Variants in EYA2 observed in about 807,000 individuals in gnomAD.
EYA2 encodes protein phosphatase EYA2.
In EYA2, 31 loss-of-function variants were observed where a neutral mutation model predicts 69.2. The observed-to-expected ratio is 0.45, with a 90% confidence interval of 0.34 to 0.60. The LOEUF (loss-of-function observed/expected upper bound fraction) is 0.60. EYA2 is among the 20% of genes least tolerant of loss of function. EYA2 has a pLI of 0.02. For missense variants in EYA2, 622 were observed against 701.2 expected, an observed-to-expected ratio of 0.89 and a Z score of 1.28; for synonymous variants, 257 against 279.4, an observed-to-expected ratio of 0.92 and a Z score of 0.80.
At chr20:46,982,548 C>T (rs531995610) in intron 1 of EYA2, among the ~76,000 whole-genome samples, 1 of 151,824 alleles carries the variant, frequency 6.6e-6, no homozygotes, top group Middle Eastern at 3.4e-3. Flanking sequence ...CTTGCTCTCT[C>T]TCTCCTCTCC....
chr20:46,971,168 T>C (rs966953213), intron 1 of EYA2, among the ~76,000 whole-genome samples: 9 of 151,820 alleles, frequency 5.9e-5, no homozygotes, highest in African/African-American at 1.9e-4. Context: ...GGTGAGTAGA[T>C]AGAAAAATAC....
chr20:46,963,485 AAC>A (rs1979599576), intron 1 of EYA2, among the ~76,000 whole-genome samples: 1 of 152,240 alleles, frequency 6.6e-6, no homozygotes, highest in Non-Finnish European at 1.5e-5. Context: ...AGGACAATCA[AAC>A]ACAAATAAAT....
At chr20:46,901,465 GAGTC>G (rs1984103713) in intron 1 of EYA2, 1 of 152,198 alleles carries the variant, frequency 6.6e-6, no homozygotes, top group African/African-American at 2.4e-5. Flanking sequence ...CTGAAATACA[GAGTC>G]AGAGAGCGTG....
rs576555369 is a variant in EYA2, at chr20:46,928,716, G to T, written c.-11+33729G>T. On this transcript the variant is annotated intron_variant, in intron 1 of 15. Coordinates refer to ENST00000327619, the MANE Select transcript of EYA2 (RefSeq NM_005244.5). ...AGTGCCGGTGTGCAAAATCACCAAC[G>T]CTTGGATTGTCGATGTAACATTTGC... 2.0e-5 allele frequency among the ~76,000 whole-genome samples: 3 copies of T among 152,222 alleles called. No homozygotes were observed. The South Asian group carries it at 6.2e-4, about 32-fold the overall frequency.
intron 4 of EYA2, among the ~76,000 whole-genome samples, chr20:47,006,419 C>T (rs1031682025): frequency 6.6e-6 from 1 of 152,220 alleles, no homozygotes; most frequent in Non-Finnish European, 1.5e-5. Flanking sequence ...GTGGAAAGGA[C>T]GTAGCGTTGG....
intron 1 of EYA2, among the ~76,000 whole-genome samples, chr20:46,969,251 T>C (rs1979985011): frequency 6.6e-6 from 1 of 152,110 alleles, no homozygotes; most frequent in Non-Finnish European, 1.5e-5. Context: ...TTTTTGACAC[T>C]TAGTCACCCA....
chr20:47,183,069 T>G (rs1230020098), intron 14 of EYA2, among the ~76,000 whole-genome samples: 1 of 152,212 alleles, frequency 6.6e-6, no homozygotes, highest in Admixed American at 6.5e-5. Flanking sequence ...CCTGCTGTGT[T>G]GCCCTGGGCA....
intron 2 of EYA2, among the ~76,000 whole-genome samples, chr20:46,994,307 T>G (rs6094545): frequency 0.041 from 6,223 of 152,310 alleles, 418 homozygotes; most frequent in African/African-American, 0.14. Flanking sequence ...TTACCTATTA[T>G]TCCTTATGAT....
rs1028233030 is a variant in EYA2, at chr20:47,089,345, C to G, written c.768C>G (p.Ser256Arg). ...DGKLRGRSKRSSDPSPAGDNE... is the reference protein window; with the variant it reads ...DGKLRGRSKRRSDPSPAGDNE... Reference sequence around the variant, plus strand: ...AGCTCCGAGGCCGGTCTAAGAGGAGCAGTGACCCGTCCCCGGCAGGGGACA... The same window carrying G: ...AGCTCCGAGGCCGGTCTAAGAGGAGGAGTGACCCGTCCCCGGCAGGGGACA... The change falls in exon 8 of 16, where the codon AGC (serine) becomes AGG (arginine). Residue 256 changes from serine to arginine, a missense_variant. Coordinates refer to ENST00000327619, the MANE Select transcript of EYA2 (RefSeq NM_005244.5). 12 of 1,614,180 alleles carry G rather than the reference C, an allele frequency of 7.4e-6. No homozygotes were observed. The highest frequency in any genetic ancestry group is 1.6e-4 in the Middle Eastern group (1 of 6,062).
intron 7 of EYA2, 83 bp from the exon 8 acceptor site, chr20:47,089,156 T>C (rs1344075306): frequency 6.5e-7 from 1 of 1,530,088 alleles, no homozygotes; most frequent in Non-Finnish European, 8.9e-7. Flanking sequence ...GCTTTGGAGC[T>C]AGACGGTGCT....
intron 5 of EYA2, among the ~76,000 whole-genome samples, chr20:47,017,026 G>A (rs902325613): frequency 2.0e-5 from 3 of 152,196 alleles, no homozygotes; most frequent in Non-Finnish European, 4.4e-5. Flanking sequence ...CAGCCCTAGA[G>A]GGTGGCCTTA....
intron 1 of EYA2, among the ~76,000 whole-genome samples, 199 bp downstream of exon 1, chr20:46,895,186 G>T (rs1600520893): frequency 6.6e-6 from 1 of 152,212 alleles, no homozygotes; most frequent in South Asian, 2.1e-4. Flanking sequence ...CAGCAGCAGA[G>T]CCCCCCTCTG....
At chr20:47,097,749 T>A (rs924802961) in intron 9 of EYA2, among the ~76,000 whole-genome samples, 2 of 152,190 alleles carry the variant, frequency 1.3e-5, no homozygotes, top group Non-Finnish European at 2.9e-5. Context: ...ACTTTAATAA[T>A]GCAAAAATGA....
intron 1 of EYA2, among the ~76,000 whole-genome samples, chr20:46,896,937 T>C (rs1983840816): frequency 6.6e-6 from 1 of 152,156 alleles, no homozygotes; most frequent in Non-Finnish European, 1.5e-5. Flanking sequence ...AACACACAAA[T>C]CACTTCCCCA....
intron 8 of EYA2, among the ~76,000 whole-genome samples, chr20:47,090,684 A>G (rs1444574248): frequency 6.6e-6 from 1 of 152,224 alleles, no homozygotes; most frequent in African/African-American, 2.4e-5. Context: ...AAAAGCAGCT[A>G]AAATCTACTT....
At position 46,986,299 on chromosome 20, in the gene EYA2, GTATATAT is replaced by G. The variant is rs1010254113; in HGVS notation, c.-10-3687_-10-3681del. Among the ~76,000 whole-genome samples, 232 of 125,930 alleles carry G rather than the reference GTATATAT, an allele frequency of 1.8e-3. 1 individual carries two copies. Among genetic ancestry groups the G allele is most frequent in the Middle Eastern group, 8.9e-3 (2 of 224 alleles). The allele number at this position is 125,930 out of a possible 152,430, so 82.6% of individuals were successfully genotyped here. Reference sequence around the variant, plus strand: ...TATAATATATCTCTATATATCTAATGTATATATTATATATTATATATAATATCTCTAT... The same window carrying G: ...TATAATATATCTCTATATATCTAATGTATATATTATATATAATATCTCTAT... On this transcript the variant is annotated intron_variant, in intron 1 of 15. Coordinates refer to ENST00000327619, the MANE Select transcript of EYA2 (RefSeq NM_005244.5).
At chr20:47,023,643 T>G (rs2868864) in intron 5 of EYA2, among the ~76,000 whole-genome samples, 1 of 140,604 alleles carries the variant, frequency 7.1e-6, no homozygotes, top group Non-Finnish European at 1.5e-5. Flanking sequence ...TTTTTTTTTT[T>G]TTTTTTTTTT....
rs193281517 is a variant in EYA2 at position 47,008,065 on chromosome 20, C to T, written c.298+2981C>T. Among the ~76,000 whole-genome samples the T allele has an allele frequency of 7.9e-5, 12 of 152,232 alleles. No individual in the cohort carries two copies. In the East Asian group the frequency reaches 1.3e-3, roughly 17 times the overall value. On this transcript the variant is annotated intron_variant, in intron 4 of 15. Coordinates refer to ENST00000327619, the MANE Select transcript of EYA2 (RefSeq NM_005244.5). The stretch of plus-strand genomic sequence containing the variant: ...GAGGCCTGGGGCGAGGCCATGGCAG[C>T]GGACAGACACATGTAGACAGAATCA...
At chr20:47,098,870 G>T (rs534657337) in intron 9 of EYA2, among the ~76,000 whole-genome samples, 9 of 152,338 alleles carry the variant, frequency 5.9e-5, no homozygotes, top group African/African-American at 1.9e-4. Flanking sequence ...CTCTTCATGA[G>T]TAGCCTCCTG....
Sources: gnomAD v4.1 joint callset for allele counts (sites outside exome capture counted in the v4.1 genomes callset) on GRCh38, gnomAD v4.1.1 for gene constraint, MANE v1.5 for transcripts, NCBI Gene and HGNC (gene_info 2026-07-23, HGNC 2026-07-21) for gene names.